KSR2: variants seen among roughly 807,000 people sequenced by gnomAD.
KSR2 encodes kinase suppressor of ras 2.
Under a neutral mutation model 107.8 loss-of-function variants are expected in KSR2, and 25 were observed. That is an observed-to-expected ratio of 0.23 (90% CI 0.17 to 0.32). The LOEUF is 0.32. Among genes scored for constraint, KSR2 ranks in the 10% least tolerant of loss-of-function variants. The probability of loss-of-function intolerance (pLI) is 1.00; values close to 1 mark genes in which losing one functional copy is unlikely to be tolerated. For synonymous variants in KSR2, 480 were observed against 507.0 expected (o/e 0.95, Z 0.71); for missense variants, 887 against 1,268.9 (o/e 0.70, Z 4.57).
chr12:117,956,249 CAAAAAAAAAAAAAAA>C lies in KSR2; in HGVS notation c.180+11812_180+11826del, dbSNP rs59662300. Among the ~76,000 whole-genome samples, 130 of 47,518 alleles carry C rather than the reference CAAAAAAAAAAAAAAA, an allele frequency of 2.7e-3. 1 individual carries two copies. In the East Asian group the frequency reaches 0.037, roughly 14 times the overall value. 31.2% of individuals were successfully genotyped at this position (47,518 alleles called of 152,430 possible). ...TGGGCGACAGAGCAAGACTCTGTCT[CAAAAAAAAAAAAAAA>C]AAAAAAAAAAAAAATTATCAAGGCC... is the stretch of plus-strand genomic sequence containing the variant. On this transcript the variant is annotated intron_variant, in intron 1 of 19. Transcript: ENST00000339824.
chr12:117,939,365 G>A (rs1895938814), intron 1 of KSR2, among the ~76,000 whole-genome samples: 1 of 152,148 alleles, frequency 6.6e-6, no homozygotes, highest in Non-Finnish European at 1.5e-5. Flanking sequence ...TTGATCATTG[G>A]TGAATTTGTG....
At chr12:117,728,666 G>A (rs1887543454) in intron 4 of KSR2, among the ~76,000 whole-genome samples, 1 of 152,168 alleles carries the variant, frequency 6.6e-6, no homozygotes, top group African/African-American at 2.4e-5. Flanking sequence ...CATGGATAAC[G>A]GCCGTGCCGC....
At chr12:117,799,708 C>T (rs1890761416) in intron 3 of KSR2, among the ~76,000 whole-genome samples, 1 of 152,128 alleles carries the variant, frequency 6.6e-6, no homozygotes, top group Non-Finnish European at 1.5e-5. Context: ...TTGGGCAACT[C>T]TCTTAACATC....
rs1206571767 is a variant in KSR2 at position 117,454,047 on chromosome 12, C to T, written c.*13152G>A. On this transcript the variant is annotated 3_prime_UTR_variant, in exon 20 of 20. Coordinates refer to ENST00000339824, the MANE Select transcript of KSR2 (RefSeq NM_173598.6). ...CTAAATAAATGGGTAACACCCACCACCTCGCTATTCTAGTCCCTTATTTTT... is the reference window on the plus strand; with the variant it reads ...CTAAATAAATGGGTAACACCCACCATCTCGCTATTCTAGTCCCTTATTTTT... 1 of 152,164 alleles carries T rather than the reference C, an allele frequency of 6.6e-6. No homozygotes were observed. The highest frequency in any genetic ancestry group is 2.4e-5 in the African/African-American group (1 of 41,414). The allele number at this position is 152,164 out of a possible 1,614,324, so 9.4% of individuals were successfully genotyped here.
At position 117,658,328 on chromosome 12, in the gene KSR2, C is replaced by A. The variant is rs551228766; in HGVS notation, c.1171+9146G>T. ...GGGTCAAAGTGGATACAGGACGATCCATTTGGAAACTATTGCATAGTTTGG... is the reference window on the plus strand; with the variant it reads ...GGGTCAAAGTGGATACAGGACGATCAATTTGGAAACTATTGCATAGTTTGG... On this transcript the variant is annotated intron_variant, in intron 5 of 19. Coordinates refer to ENST00000339824, the MANE Select transcript of KSR2 (RefSeq NM_173598.6). Among the ~76,000 whole-genome samples the A allele has an allele frequency of 3.3e-5, 5 of 152,238 alleles. No individual in the cohort carries two copies. In the East Asian group the frequency reaches 9.7e-4, roughly 29 times the overall value.
At chr12:117,670,438 C>T (rs1884858392) in intron 4 of KSR2, among the ~76,000 whole-genome samples, 1 of 152,188 alleles carries the variant, frequency 6.6e-6, no homozygotes, top group African/African-American at 2.4e-5. Flanking sequence ...GTGGTGCCAG[C>T]CCTGAAACCA....
chr12:117,690,689 T>C (rs1885777230), intron 4 of KSR2, among the ~76,000 whole-genome samples: 1 of 152,220 alleles, frequency 6.6e-6, no homozygotes, highest in South Asian at 2.1e-4. Context: ...AGCAATATGC[T>C]GTGTGTTACT....
intron 7 of KSR2, among the ~76,000 whole-genome samples, chr12:117,561,550 T>C (rs1044348827): frequency 7.9e-5 from 12 of 152,184 alleles, no homozygotes; most frequent in African/African-American, 2.4e-4. Flanking sequence ...AGCCCAACTT[T>C]TAACCACAAT....
intron 3 of KSR2, among the ~76,000 whole-genome samples, chr12:117,769,039 T>A (rs183153155): frequency 6.6e-6 from 1 of 152,226 alleles, no homozygotes; most frequent in Admixed American, 6.5e-5. Flanking sequence ...ACAGATGAGG[T>A]GGCAAGCTCA....
chr12:117,694,733 C>A (rs1196277064), intron 4 of KSR2, among the ~76,000 whole-genome samples: 1 of 152,114 alleles, frequency 6.6e-6, no homozygotes, highest in Non-Finnish European at 1.5e-5. Context: ...GAAATATTAT[C>A]CAGCCTTAGA....
intron 5 of KSR2, among the ~76,000 whole-genome samples, chr12:117,611,009 CAAT>C: frequency 6.6e-6 from 1 of 152,198 alleles, no homozygotes; most frequent in African/African-American, 2.4e-5. Context: ...GTTTTAATAA[CAAT>C]GATTTGTACA....
chr12:117,885,493 G>A (rs1384591239), intron 1 of KSR2, among the ~76,000 whole-genome samples: 2 of 151,940 alleles, frequency 1.3e-5, no homozygotes, highest in Non-Finnish European at 2.9e-5. Context: ...CACCCTGCTG[G>A]GGTTATCTCT....
intron 1 of KSR2, among the ~76,000 whole-genome samples, chr12:117,961,169 G>C (rs969668839): frequency 1.2e-4 from 18 of 152,114 alleles, no homozygotes; most frequent in African/African-American, 4.3e-4. Flanking sequence ...CTAAATGCTA[G>C]CTAAGGGAAC....
intron 5 of KSR2, among the ~76,000 whole-genome samples, chr12:117,639,695 G>A (rs1292553817): frequency 2.0e-5 from 3 of 150,702 alleles, no homozygotes; most frequent in East Asian, 1.9e-4. Context: ...GAAAGCCAGC[G>A]AGAAAACTCA....
intron 12 of KSR2, among the ~76,000 whole-genome samples, chr12:117,528,393 GAA>G (rs1450848277): frequency 1.3e-5 from 2 of 152,034 alleles, no homozygotes; most frequent in Non-Finnish European, 2.9e-5. Flanking sequence ...TGAGAAAAAA[GAA>G]TCACAATGAA....
intron 5 of KSR2, among the ~76,000 whole-genome samples, chr12:117,595,789 C>A (rs1482724244): frequency 6.6e-6 from 1 of 152,146 alleles, no homozygotes; most frequent in Non-Finnish European, 1.5e-5. Context: ...TAGGCCTGTC[C>A]CTCTTATCAG....
In KSR2 at chr12:117,921,368, G is replaced by A. The variant is rs527953028; in HGVS notation, c.180+46708C>T. ...GTAAATATTAAGCAAATTGAATAAA[G>A]CTGTCTTTGAAGCCACACACAGTGA... On this transcript the variant is annotated intron_variant, in intron 1 of 19. Coordinates refer to ENST00000339824, the MANE Select transcript of KSR2 (RefSeq NM_173598.6). Among the ~76,000 whole-genome samples the A allele has an allele frequency of 5.3e-5, 8 of 152,278 alleles. No homozygotes were observed. In the South Asian group the frequency reaches 1.7e-3, roughly 32 times the overall value.
chr12:117,575,761 T>C (rs1252960011), intron 7 of KSR2, among the ~76,000 whole-genome samples: 2 of 152,262 alleles, frequency 1.3e-5, no homozygotes, highest in African/African-American at 4.8e-5. Context: ...GTCTCTTATA[T>C]GCCAGGAGTC....
At chr12:117,912,360 G>C (rs1895042042) in intron 1 of KSR2, among the ~76,000 whole-genome samples, 1 of 152,086 alleles carries the variant, frequency 6.6e-6, no homozygotes, top group African/African-American at 2.4e-5. Context: ...TTCAAATGAT[G>C]GTATGTTATA....
Sources: allele counts gnomAD v4.1 joint callset (sites outside exome capture counted in the v4.1 genomes callset), GRCh38; gene constraint gnomAD v4.1.1; transcripts MANE v1.5; gene names NCBI Gene and HGNC (gene_info 2026-07-23, HGNC 2026-07-21).